The following CCDC187 variants were observed in gnomAD, a reference collection of about 807,000 sequenced individuals.
CCDC187 encodes coiled-coil domain-containing protein 187.
CCDC187 carries 32 observed loss-of-function variants against 38.0 expected under a neutral mutation model. The observed-to-expected ratio is 0.84, with a 90% CI of 0.64 to 1.13. The LOEUF (loss-of-function observed/expected upper bound fraction) is 1.13. Ranked by LOEUF, CCDC187 falls within the 50% of genes most tolerant of loss-of-function variation. CCDC187 has a pLI of 0.00. For synonymous variants in CCDC187, 333 were observed against 347.9 expected (o/e 0.96, Z 0.48); for missense variants, 707 against 786.8 (o/e 0.90, Z 1.21).
chr9:136,265,429 A>T (rs1474674750), intron 17 of CCDC187: 1 of 152,214 alleles, frequency 6.6e-6, no homozygotes, highest in Non-Finnish European at 1.5e-5. Flanking sequence ...GCCCCCATGC[A>T]TGTGCACATC....
At chr9:136,259,236 G>T (rs1489801501) in intron 21 of CCDC187, 127 bp downstream of exon 21, 2 of 287,950 alleles carry the variant, frequency 6.9e-6, no homozygotes, top group African/African-American at 2.3e-5. Context: ...TCAAGTCACA[G>T]ATTGGCAGAA....
rs1286840056 is a variant in CCDC187 at position 136,291,105 on chromosome 9, C to T, written c.1508G>A (p.Arg503Lys). The change falls in exon 6 of 26, where the codon AGG becomes AAG. Residue 503 changes from arginine to lysine, a missense_variant. By Grantham distance (26) the Arg-to-Lys change is conservative (BLOSUM62 2). Coordinates refer to ENST00000638797, the MANE Select transcript of CCDC187 (RefSeq NM_001378188.1). Reference sequence around the variant, plus strand: ...GCCCTGTCTTTGGGCCCCCCAGGCCCTCTGCGGACTGCAGGCCTGCCCAGC... The same window carrying T: ...GCCCTGTCTTTGGGCCCCCCAGGCCTTCTGCGGACTGCAGGCCTGCCCAGC... Reference protein sequence around the residue: ...ALAGQACSPQRAWGAQRQGPS... With the variant: ...ALAGQACSPQKAWGAQRQGPS... 13 of 398,618 alleles carry T rather than the reference C, an allele frequency of 3.3e-5. No individual in the cohort carries two copies. The highest frequency in any genetic ancestry group is 2.5e-4 in the African/African-American group (12 of 48,732). 24.7% of individuals were successfully genotyped at this position (398,618 alleles called of 1,614,324 possible). A position where few individuals can be genotyped will look rare whatever the true frequency, so the allele number is the denominator to read the frequency against.
At chr9:136,283,574 T>G (rs1321565537) in intron 9 of CCDC187, among the ~76,000 whole-genome samples, 2 of 152,236 alleles carry the variant, frequency 1.3e-5, no homozygotes, top group African/African-American at 4.8e-5. Context: ...CTGCTGTCTC[T>G]CTGCCGCCTC....
rs1452031798 is a variant in CCDC187, at chr9:136,303,744, G to C, written c.87C>G (p.Pro29=). ...CTCTCCCTGGGGCCCCATGGGAGAA[G>C]GGGCCCTGCCTCTGGCTGTTCTTGT... is the stretch of plus-strand genomic sequence containing the variant. The part of the protein sequence containing the change: ...PCHKNSQRQG[P]FSHGAPGRAA... Residue 29 remains proline (P), a synonymous_variant, in exon 1 of 26, where the codon CCC becomes CCG. Transcript: ENST00000638797. 1.3e-5 allele frequency: 2 copies of C among 152,310 alleles called. No individual in the cohort carries two copies. The highest frequency in any genetic ancestry group is 4.8e-5 in the African/African-American group (2 of 41,468). The allele number at this position is 152,310 out of a possible 1,614,324, so 9.4% of individuals were successfully genotyped here. A position where few individuals can be genotyped will look rare whatever the true frequency, so the allele number is the denominator to read the frequency against.
chr9:136,289,238 C>T (rs1269276828), intron 7 of CCDC187, among the ~76,000 whole-genome samples: 4 of 152,016 alleles, frequency 2.6e-5, no homozygotes, highest in South Asian at 2.1e-4. Flanking sequence ...CAAATCCGGG[C>T]GGGGCGCGGT....
chr9:136,278,440 G>T (rs1183752407), intron 10 of CCDC187, among the ~76,000 whole-genome samples: 5 of 152,196 alleles, frequency 3.3e-5, no homozygotes, highest in African/African-American at 1.2e-4. Context: ...GCTGGGCACG[G>T]CCCTGGCTGG....
chr9:136,266,573 A>T (rs1433939571), intron 16 of CCDC187: 1 of 152,264 alleles, frequency 6.6e-6, no homozygotes, highest in Non-Finnish European at 1.5e-5. Context: ...CTTCATTAAT[A>T]ATGGCAAAAC....
At chr9:136,287,183 A>G (rs1167890718) in intron 7 of CCDC187, among the ~76,000 whole-genome samples, 1 of 152,168 alleles carries the variant, frequency 6.6e-6, no homozygotes, top group Non-Finnish European at 1.5e-5. Context: ...TCAGCCCTGA[A>G]ATGGAAGGAC....
chr9:136,256,694 A>G lies in CCDC187; in HGVS notation c.4503+11T>C, dbSNP rs1209710118. On this transcript the variant is annotated intron_variant, in intron 23 of 25. Coordinates refer to ENST00000638797, the MANE Select transcript of CCDC187 (RefSeq NM_001378188.1). ...CAGCCCACAGGAAGGGCACGGCCAC[A>G]CCCGACTCACGCTGGCTTCTTGTGG... 1 of 152,186 alleles carries G rather than the reference A, an allele frequency of 6.6e-6. No individual in the cohort carries two copies. The highest frequency in any genetic ancestry group is 1.5e-5 in the Non-Finnish European group (1 of 68,036). 9.4% of individuals were successfully genotyped at this position (152,186 alleles called of 1,614,324 possible). A position where few individuals can be genotyped will look rare whatever the true frequency, so the allele number is the denominator to read the frequency against.
chr9:136,254,226 CAG>C lies in CCDC187; in HGVS notation c.5600_5601del (p.Pro1867ArgfsTer16), dbSNP rs782725911. The C allele has an allele frequency of 5.9e-5, 58 of 985,376 alleles. No homozygotes were observed. Among genetic ancestry groups the C allele is most frequent in the Admixed American group, 1.2e-4 (2 of 16,270 alleles). The allele number at this position is 985,376 out of a possible 1,614,324, so 61.0% of individuals were successfully genotyped here. A position where few individuals can be genotyped will look rare whatever the true frequency, so the allele number is the denominator to read the frequency against. ...AGCGGGAACACCACACCGGCGGCCT[CAG>C]GGGGTGCCTGGAGGGCTTCTCCTGT... is the stretch of plus-strand genomic sequence containing the variant. Reference protein sequence around the residue: ...SDTGEALQAPPEAAGVVFPLQ... With the variant: ...SDTGEALQAPXEAAGVVFPLQ... On this transcript the variant is annotated frameshift_variant, in exon 26 of 26. Coordinates refer to ENST00000638797, the MANE Select transcript of CCDC187 (RefSeq NM_001378188.1). LOFTEE classifies it low-confidence loss of function (END_TRUNC).
rs950783853 is a variant in CCDC187 at position 136,300,550 on chromosome 9, C to T, written c.626-232G>A. Among the ~76,000 whole-genome samples the T allele has an allele frequency of 4.8e-4, 73 of 151,886 alleles. No individual in the cohort carries two copies. In the East Asian group the frequency reaches 0.012, roughly 25 times the overall value. On this transcript the variant is annotated intron_variant, in intron 2 of 25. Coordinates refer to ENST00000638797, the MANE Select transcript of CCDC187 (RefSeq NM_001378188.1). The stretch of plus-strand genomic sequence containing the variant: ...TGCCTCAGCCTCCCGAGTAGTTGGG[C>T]CAACAGGTGCTGGCCACCACGCTTG...
chr9:136,304,910 C>T (rs1385887030), upstream of CCDC187, among the ~76,000 whole-genome samples: 10 of 152,276 alleles, frequency 6.6e-5, no homozygotes, highest in African/African-American at 2.2e-4. Flanking sequence ...TAGGAAGGCA[C>T]GAAGGATGGA....
chr9:136,290,981 G>C lies in CCDC187; in HGVS notation c.1632C>G (p.Ala544=). 5.0e-6 allele frequency: 2 copies of C among 398,730 alleles called. No individual in the cohort carries two copies. The highest frequency in any genetic ancestry group is 8.8e-6 in the Non-Finnish European group (2 of 226,150). 24.7% of individuals were successfully genotyped at this position (398,730 alleles called of 1,614,324 possible). The change falls in exon 6 of 26, where the codon GCC becomes GCG. Residue 544 remains alanine (A), a synonymous_variant. Transcript: ENST00000638797. The stretch of plus-strand genomic sequence containing the variant: ...CCTCCCAGGTTTCACAGGCAGTCCA[G>C]GCCCTCCGTGGACAGGGCTGTGTGG... ...AVATQPCPRR[A]WTACETWEDP... is the part of the protein sequence containing the mutation.
At chr9:136,270,574 A>G (rs1830823778) in intron 14 of CCDC187, among the ~76,000 whole-genome samples, 1 of 152,252 alleles carries the variant, frequency 6.6e-6, no homozygotes, top group Non-Finnish European at 1.5e-5. Flanking sequence ...ACATGAAAGT[A>G]GACAAGGAGG....
rs1350119581 is a variant in CCDC187, at chr9:136,251,319, G to A, written c.*2275C>T. The A allele has an allele frequency of 7.1e-5, 22 of 310,602 alleles. No homozygotes were observed. The Admixed American group carries it at 9.3e-4, about 13-fold the overall frequency. 19.2% of individuals were successfully genotyped at this position (310,602 alleles called of 1,614,324 possible). Reference sequence around the variant, plus strand: ...TCCAGGCACAGCAAGTCCTGAGCATGCTCCAGAAGAGACCTTGGGCCACTG... The same window carrying A: ...TCCAGGCACAGCAAGTCCTGAGCATACTCCAGAAGAGACCTTGGGCCACTG... On this transcript the variant is annotated 3_prime_UTR_variant, in exon 26 of 26. Coordinates refer to ENST00000638797, the MANE Select transcript of CCDC187 (RefSeq NM_001378188.1).
At position 136,263,902 on chromosome 9, in the gene CCDC187, C is replaced by G. The variant is rs1250305584; in HGVS notation, c.3736-104G>C. On this transcript the variant is annotated intron_variant, in intron 17 of 25. Transcript: ENST00000638797. Reference sequence around the variant, plus strand: ...CTGGGGGGATGCCCTGGCCCTCACACTGGGAGGCCTCCCTTTCCCTCCAAT... The same window carrying G: ...CTGGGGGGATGCCCTGGCCCTCACAGTGGGAGGCCTCCCTTTCCCTCCAAT... 3 of 806,054 alleles carry G rather than the reference C, an allele frequency of 3.7e-6. No individual in the cohort carries two copies. In the African/African-American group the frequency reaches 5.6e-5, roughly 15 times the overall value. The allele number at this position is 806,054 out of a possible 1,614,324, so 49.9% of individuals were successfully genotyped here. A position where few individuals can be genotyped will look rare whatever the true frequency, so the allele number is the denominator to read the frequency against.
At chr9:136,279,231 T>C (rs985191931) in intron 10 of CCDC187, among the ~76,000 whole-genome samples, 1 of 152,056 alleles carries the variant, frequency 6.6e-6, no homozygotes, top group Non-Finnish European at 1.5e-5. Flanking sequence ...AAGGTTCCAT[T>C]GGACAGCTCT....
rs1014655976 is a variant in CCDC187 at position 136,264,380 on chromosome 9, C to A, written c.3736-582G>T. ...ACGCAGCCTGGCTGTGGCTGGGAGTCCCTGGCCCCGGCCAGCTCCAGCTCC... is the reference window on the plus strand; with the variant it reads ...ACGCAGCCTGGCTGTGGCTGGGAGTACCTGGCCCCGGCCAGCTCCAGCTCC... On this transcript the variant is annotated intron_variant, in intron 17 of 25. Coordinates refer to ENST00000638797, the MANE Select transcript of CCDC187 (RefSeq NM_001378188.1). This position sits in a 1 kb window ranked among gnomAD's most constrained non-coding sequence, Gnocchi z 4.3. 1 of 152,380 alleles carries A rather than the reference C, an allele frequency of 6.6e-6. No homozygotes were observed. The highest frequency in any genetic ancestry group is 2.1e-4 in the South Asian group (1 of 4,840). The allele number at this position is 152,380 out of a possible 1,614,324, so 9.4% of individuals were successfully genotyped here.
Position 136,290,756 on chromosome 9 carries a change from C to T in CCDC187, c.1857G>A (p.Thr619=), listed in dbSNP as rs1227305702. The T allele has an allele frequency of 2.3e-5, 9 of 398,418 alleles. No individual in the cohort carries two copies. Among genetic ancestry groups the T allele is most frequent in the Non-Finnish European group, 3.5e-5 (8 of 225,990 alleles). 24.7% of individuals were successfully genotyped at this position (398,418 alleles called of 1,614,324 possible). A position where few individuals can be genotyped will look rare whatever the true frequency, so the allele number is the denominator to read the frequency against. Residue 619 remains threonine, a synonymous_variant, in exon 6 of 26, where the codon ACG becomes ACA. Coordinates refer to ENST00000638797, the MANE Select transcript of CCDC187 (RefSeq NM_001378188.1). Reference sequence around the variant, plus strand: ...CCCGGGACCTGGGGCAGGGCCGCAGCGTGTCCTTCTCCTTCCCAAGTGGGT... The same window carrying T: ...CCCGGGACCTGGGGCAGGGCCGCAGTGTGTCCTTCTCCTTCCCAAGTGGGT... ...PQNPLGKEKD[T]LRPCPRSRGL... is the part of the protein sequence containing the mutation.
Sources: allele counts gnomAD v4.1 joint callset (sites outside exome capture counted in the v4.1 genomes callset), GRCh38; gene constraint gnomAD v4.1.1; non-coding constraint Gnocchi (gnomAD v3.1); transcripts MANE v1.5; gene names NCBI Gene and HGNC (gene_info 2026-07-23, HGNC 2026-07-21).